Variants in ROBO2 observed in about 807,000 individuals in gnomAD.
ROBO2 encodes the protein roundabout guidance receptor 2.
Under a neutral mutation model 160.8 loss-of-function variants are expected in ROBO2, and 53 were observed. The observed-to-expected ratio is 0.33, with a 90% CI of 0.26 to 0.41. The LOEUF is 0.41. Among genes scored for constraint, ROBO2 ranks in the 10% least tolerant of loss-of-function variants. The pLI, the probability that ROBO2 is intolerant of heterozygous loss-of-function variation, is 1.00. For missense variants in ROBO2, 1,577 were observed against 1,722.4 expected (o/e 0.92, Z 1.49); for synonymous variants, 664 against 611.7 (o/e 1.09, Z -1.26).
chr3:76,311,614 T>C (rs2107786077), intron 2 of ROBO2, among the ~76,000 whole-genome samples: 1 of 152,344 alleles, frequency 6.6e-6, no homozygotes, highest in Non-Finnish European at 1.5e-5. Context: ...TTGCAATGTT[T>C]GGTTTTCTGG....
intron 22 of ROBO2, chr3:77,618,160 A>G (rs559763688): frequency 2.4e-5 from 6 of 252,070 alleles, no homozygotes; most frequent in East Asian, 1.1e-4. Context: ...GTAATAAAAG[A>G]CTCCTTTTAG....
intron 21 of ROBO2, among the ~76,000 whole-genome samples, chr3:77,615,746 A>G (rs901486016): frequency 6.6e-6 from 1 of 152,218 alleles, no homozygotes; most frequent in Admixed American, 6.5e-5. Context: ...ACTGGGAGAC[A>G]TGTTGGTTGC....
intron 2 of ROBO2, among the ~76,000 whole-genome samples, chr3:75,966,524 T>G (rs970916658): frequency 1.3e-5 from 2 of 151,726 alleles, no homozygotes; most frequent in Non-Finnish European, 1.5e-5. Context: ...AAATACAGAC[T>G]GTGGTGCTGC....
intron 2 of ROBO2, among the ~76,000 whole-genome samples, chr3:76,269,078 T>A (rs1250230720): frequency 2.0e-5 from 3 of 152,048 alleles, no homozygotes; most frequent in Non-Finnish European, 2.9e-5. Context: ...TAGATAGAAT[T>A]AATAAGATCT....
At chr3:76,821,277 C>T (rs1376961419) in intron 2 of ROBO2, among the ~76,000 whole-genome samples, 1 of 151,932 alleles carries the variant, frequency 6.6e-6, no homozygotes, top group Non-Finnish European at 1.5e-5. Context: ...TAAGCACATG[C>T]CTTTTATCAT....
chr3:76,699,913 T>C (rs264538), intron 2 of ROBO2, among the ~76,000 whole-genome samples: 152,231 of 152,234 alleles, frequency 1, 76,114 homozygotes, highest in Non-Finnish European at 1. Flanking sequence ...TGCTGCTAAA[T>C]GAATGTCTCC....
intron 2 of ROBO2, among the ~76,000 whole-genome samples, chr3:76,068,639 C>T (rs62268881): frequency 6.6e-6 from 1 of 152,082 alleles, no homozygotes; most frequent in South Asian, 2.1e-4. Flanking sequence ...TTTTAAAATA[C>T]CTTTCCATAT....
At chr3:76,599,988 T>C (rs1356918578) in intron 2 of ROBO2, among the ~76,000 whole-genome samples, 1 of 152,248 alleles carries the variant, frequency 6.6e-6, no homozygotes, top group Non-Finnish European at 1.5e-5. Context: ...TCCCATTCTG[T>C]AGATTTTCTG....
chr3:75,928,481 A>ATCT (rs56064338), intron 1 of ROBO2, among the ~76,000 whole-genome samples: 150,159 of 152,268 alleles, frequency 0.99, 74,083 homozygotes, highest in Middle Eastern at 1. Context: ...CAGATGCTGT[A>ATCT]TCTTGGCCAG....
At chr3:76,791,176 C>A (rs1475012186) in intron 2 of ROBO2, among the ~76,000 whole-genome samples, 3 of 151,614 alleles carry the variant, frequency 2.0e-5, no homozygotes. Context: ...CTTGGAGTGT[C>A]AATTATAAGA....
chr3:76,215,496 G>A (rs1009798073), intron 2 of ROBO2, among the ~76,000 whole-genome samples: 2 of 152,148 alleles, frequency 1.3e-5, no homozygotes, highest in Non-Finnish European at 1.5e-5. Context: ...TCAGGGCACG[G>A]GATCTACGTG....
intron 2 of ROBO2, among the ~76,000 whole-genome samples, chr3:77,406,049 A>T (rs1355177562): frequency 6.6e-6 from 1 of 152,200 alleles, no homozygotes; most frequent in Non-Finnish European, 1.5e-5. Flanking sequence ...GGTTTAATTG[A>T]CTCACAGTTC....
chr3:77,280,816 T>C (rs924616729), intron 2 of ROBO2, among the ~76,000 whole-genome samples: 11 of 152,202 alleles, frequency 7.2e-5, no homozygotes, highest in Non-Finnish European at 1.0e-4. Flanking sequence ...TTTCAGTTTA[T>C]TGATAGTTTC....
At chr3:77,259,317 A>G (rs1256412441) in intron 2 of ROBO2, among the ~76,000 whole-genome samples, 1 of 152,222 alleles carries the variant, frequency 6.6e-6, no homozygotes, top group African/African-American at 2.4e-5. Flanking sequence ...ATAGAATGTA[A>G]GCACCATAGA....
chr3:77,579,805 T>A, intron 15 of ROBO2, 142 bp from the exon 17 acceptor site: 2 of 717,558 alleles, frequency 2.8e-6, no homozygotes, highest in Non-Finnish European at 4.7e-6. Flanking sequence ...AGGTTGGGCT[T>A]TAGAAGATGT....
chr3:76,766,917 A>G (rs2061604876), intron 2 of ROBO2, among the ~76,000 whole-genome samples: 1 of 151,638 alleles, frequency 6.6e-6, no homozygotes, highest in Non-Finnish European at 1.5e-5. Context: ...TAGAAAAGCA[A>G]GTTAGCTTAC....
Position 76,678,531 on chromosome 3 carries a change from C to T in ROBO2, c.110-419483C>T, listed in dbSNP as rs562007117. ...GTAATTAATATAAGACAAGCAGGCT[C>T]TTAATGATCACAGAGATACTTGTCT... On this transcript the variant is annotated intron_variant, in intron 2 of 26. Coordinates refer to the ROBO2 transcript ENST00000487694. Among the ~76,000 whole-genome samples, 131 of 152,230 alleles carry T rather than the reference C, an allele frequency of 8.6e-4. 1 individual carries two copies. Among genetic ancestry groups the T allele is most frequent in the African/African-American group, 3.0e-3 (126 of 41,542 alleles).
chr3:77,292,025 A>C (rs9865211), intron 2 of ROBO2, among the ~76,000 whole-genome samples: 3,539 of 136,356 alleles, frequency 0.026, no homozygotes, highest in Non-Finnish European at 0.034. Context: ...TCACCCCAGA[A>C]ATAAAGTAAA....
At chr3:77,154,715 C>T (rs1041929812) in intron 2 of ROBO2, among the ~76,000 whole-genome samples, 1 of 152,042 alleles carries the variant, frequency 6.6e-6, no homozygotes, top group Non-Finnish European at 1.5e-5. Context: ...ATATCTTCTG[C>T]AGCAACATGG....
Sources: gnomAD v4.1 joint callset for allele counts (sites outside exome capture counted in the v4.1 genomes callset) on GRCh38, gnomAD v4.1.1 for gene constraint, MANE v1.5 for transcripts, NCBI Gene and HGNC (gene_info 2026-07-23, HGNC 2026-07-21) for gene names.